The following NTRK2 variants were observed in gnomAD, a reference collection of about 807,000 sequenced individuals.
NTRK2 encodes BDNF/NT-3 growth factors receptor.
In NTRK2, 13 loss-of-function variants were observed where a neutral mutation model predicts 94.5. The observed-to-expected ratio is 0.14, with a 90% CI of 0.09 to 0.22. The LOEUF (loss-of-function observed/expected upper bound fraction) is 0.22. NTRK2 is among the 10% of genes least tolerant of loss of function. The pLI is 1.00. For missense variants in NTRK2, 639 were observed against 1,071.2 expected (o/e 0.60, Z 5.63); for synonymous variants, 372 against 407.4 (o/e 0.91, Z 1.05).
chr9:84,951,056 T>A (rs926831314), intron 16 of NTRK2, among the ~76,000 whole-genome samples: 1 of 152,236 alleles, frequency 6.6e-6, no homozygotes, highest in African/African-American at 2.4e-5. Context: ...GAGAACATAC[T>A]GCTGTTTTTA....
chr9:84,711,962 ATG>A (rs1486043270), intron 6 of NTRK2, among the ~76,000 whole-genome samples: 1 of 152,132 alleles, frequency 6.6e-6, no homozygotes, highest in African/African-American at 2.4e-5. Flanking sequence ...AACTTTTAAT[ATG>A]TGTCTTTTCC....
Position 84,745,006 on chromosome 9 carries a change from C to A in NTRK2, c.1229C>A (p.Thr410Asn), listed in dbSNP as rs774034569. The change falls in exon 11 of 19, where the codon ACC (threonine) becomes AAC (asparagine). Residue 410 changes from threonine to asparagine, a missense_variant. Around this residue, in one of 5 missense-constraint regions of NTRK2, gnomAD observed 343 missense variants for 571.5 expected, o/e 0.60. Coordinates refer to ENST00000277120, the MANE Select transcript of NTRK2 (RefSeq NM_006180.6). ...YGTAANDIGDTTNRSNEIPST... is the reference protein window; with the variant it reads ...YGTAANDIGDNTNRSNEIPST... ...ACTGCAGCGAATGACATCGGGGACA[C>A]CACGAACAGAAGTAATGAAATCCCT... is the stretch of plus-strand genomic sequence containing the variant. The A allele has an allele frequency of 6.8e-6, 11 of 1,613,640 alleles. No homozygotes were observed. The highest frequency in any genetic ancestry group is 6.7e-5 in the East Asian group (3 of 44,860).
intron 17 of NTRK2, among the ~76,000 whole-genome samples, chr9:84,968,313 G>T (rs529706324): frequency 6.6e-6 from 1 of 152,298 alleles, no homozygotes; most frequent in Admixed American, 6.5e-5. Flanking sequence ...AGGTGGGCAA[G>T]GGTCGCCTGG....
intron 12 of NTRK2, among the ~76,000 whole-genome samples, chr9:84,770,195 A>ACACACAC (rs2066415222): frequency 8.3e-4 from 79 of 95,124 alleles, no homozygotes; most frequent in Non-Finnish European, 1.2e-3. Flanking sequence ...CACACACACA[A>ACACACAC]ACACACAGCT....
intron 2 of NTRK2, among the ~76,000 whole-genome samples, chr9:84,694,128 G>A (rs1414712392): frequency 2.0e-5 from 3 of 152,180 alleles, no homozygotes; most frequent in Non-Finnish European, 4.4e-5. Flanking sequence ...GTGGTACAGT[G>A]GCTATGGGCT....
intron 11 of NTRK2, among the ~76,000 whole-genome samples, chr9:84,750,851 G>A (rs1296323166): frequency 6.6e-6 from 1 of 152,188 alleles, no homozygotes; most frequent in African/African-American, 2.4e-5. Flanking sequence ...ATGTTAAGAT[G>A]CACTTAGAGG....
intron 15 of NTRK2, among the ~76,000 whole-genome samples, chr9:84,938,487 A>G (rs2078285652): frequency 6.6e-6 from 1 of 152,198 alleles, no homozygotes; most frequent in Non-Finnish European, 1.5e-5. Flanking sequence ...TCTCCATGAC[A>G]TATGCTATTA....
intron 14 of NTRK2, among the ~76,000 whole-genome samples, chr9:84,870,295 TAC>T: frequency 7.5e-6 from 1 of 132,622 alleles, no homozygotes; most frequent in African/African-American, 2.8e-5. Flanking sequence ...CATATACATA[TAC>T]ATGTACATAT....
chr9:84,918,295 TC>T (rs1294969170), intron 14 of NTRK2, among the ~76,000 whole-genome samples: 140 of 152,334 alleles, frequency 9.2e-4, no homozygotes, highest in African/African-American at 3.2e-3. Context: ...ATTGATGTCT[TC>T]CTACCTCTTT....
At chr9:84,747,670 A>C (rs2064212410) in intron 11 of NTRK2, among the ~76,000 whole-genome samples, 1 of 151,566 alleles carries the variant, frequency 6.6e-6, no homozygotes, top group African/African-American at 2.4e-5. Flanking sequence ...TTTAGTAGAG[A>C]CATGTTTTCA....
At position 84,724,244 on chromosome 9, in the gene NTRK2, G is replaced by A. The variant is rs1350954630; in HGVS notation, c.741G>A (p.Gln247=). Residue 247 remains glutamine, a synonymous_variant, in exon 8 of 19, where the codon CAG becomes CAA. Coordinates refer to ENST00000277120, the MANE Select transcript of NTRK2 (RefSeq NM_006180.6). The stretch of plus-strand genomic sequence containing the variant: ...TGTAGAATGAAACAAGCCACACACA[G>A]GGCTCCTTAAGGATAACTAACATTT... The part of the protein sequence containing the change: ...SKHMNETSHT[Q]GSLRITNISS... 1.2e-6 allele frequency: 2 copies of A among 1,614,094 alleles called. No individual in the cohort carries two copies. Among genetic ancestry groups the A allele is most frequent in the African/African-American group, 1.3e-5 (1 of 75,034 alleles).
chr9:84,875,054 T>C lies in NTRK2; in HGVS notation c.1633+7623T>C, dbSNP rs577029212. Reference sequence around the variant, plus strand: ...AACAAAGATGAAACGAAAAGTCCCATGTAATTCCACCAGTTAGAGTTAACC... The same window carrying C: ...AACAAAGATGAAACGAAAAGTCCCACGTAATTCCACCAGTTAGAGTTAACC... On this transcript the variant is annotated intron_variant, in intron 14 of 18. Transcript: ENST00000277120. The C allele has an allele frequency of 3.8e-6, 4 of 1,060,118 alleles. No individual in the cohort carries two copies. The East Asian group carries it at 1.6e-4, about 41-fold the overall frequency. The allele number at this position is 1,060,118 out of a possible 1,614,324, so 65.7% of individuals were successfully genotyped here. A position where few individuals can be genotyped will look rare whatever the true frequency, so the allele number is the denominator to read the frequency against.
intron 10 of NTRK2, 112 bp downstream of exon 10, chr9:84,742,039 A>G (rs900929714): frequency 1.1e-5 from 10 of 944,272 alleles, no homozygotes; most frequent in East Asian, 7.6e-5. Flanking sequence ...CACTTTAAGC[A>G]TTACATAGGC....
intron 12 of NTRK2, among the ~76,000 whole-genome samples, chr9:84,772,992 A>G (rs7038866): frequency 0.67 from 101,938 of 152,120 alleles, 34,691 homozygotes; most frequent in East Asian, 0.74. Flanking sequence ...GATTGGTAAC[A>G]AAATAGTTAA....
At chr9:84,875,258 G>T (rs1405211138) in intron 14 of NTRK2, 2 of 1,058,812 alleles carry the variant, frequency 1.9e-6, no homozygotes, top group South Asian at 9.1e-5. Flanking sequence ...AGCACATTGG[G>T]TGTATTATTC....
At chr9:84,996,366 G>A (rs533700594) in intron 17 of NTRK2, among the ~76,000 whole-genome samples, 3 of 152,354 alleles carry the variant, frequency 2.0e-5, no homozygotes, top group East Asian at 1.9e-4. Context: ...TTTCATCAGA[G>A]GGAAGCACTA....
intron 12 of NTRK2, among the ~76,000 whole-genome samples, chr9:84,797,049 A>G (rs1304730158): frequency 1.3e-5 from 2 of 152,168 alleles, no homozygotes; most frequent in African/African-American, 2.4e-5. Flanking sequence ...TAGTCTTAAT[A>G]AATTAGATTC....
chr9:84,811,300 C>A, intron 12 of NTRK2: 2 of 1,065,188 alleles, frequency 1.9e-6, no homozygotes, highest in Non-Finnish European at 2.3e-6. Flanking sequence ...ACAAAACAAA[C>A]AAATGAAAAA....
At chr9:84,775,424 T>C (rs960561026) in intron 12 of NTRK2, among the ~76,000 whole-genome samples, 3 of 152,232 alleles carry the variant, frequency 2.0e-5, no homozygotes, top group African/African-American at 7.2e-5. Flanking sequence ...CAGCATTTGC[T>C]TAGCCAGAGA....
Sources: allele counts gnomAD v4.1 joint callset (sites outside exome capture counted in the v4.1 genomes callset), GRCh38; gene constraint gnomAD v4.1.1; regional missense constraint gnomAD v4.1.1; transcripts MANE v1.5; gene names NCBI Gene and HGNC (gene_info 2026-07-23, HGNC 2026-07-21).